BPIFB4: variants seen among roughly 807,000 people sequenced by gnomAD.
BPIFB4 encodes the protein BPI fold containing family B member 4.
A neutral mutation model predicts 69.2 loss-of-function variants in BPIFB4; 62 were observed. The ratio of observed to expected loss-of-function variants is 0.90; its 90% CI spans 0.73 to 1.11. BPIFB4 has a LOEUF of 1.11. Ranked by LOEUF, BPIFB4 falls within the 50% of genes least tolerant of loss-of-function variation. BPIFB4 has a pLI of 0.00. For synonymous variants in BPIFB4, 330 were observed against 332.7 expected (o/e 0.99, Z 0.09); for missense variants, 789 against 792.0 (o/e 1.00, Z 0.04).
At chr20:33,097,924 C>T in intron 13 of BPIFB4, 137 bp downstream of exon 13, 1 of 921,974 alleles carries the variant, frequency 1.1e-6, no homozygotes, top group Non-Finnish European at 1.6e-6. Context: ...GGGCCAGAGG[C>T]TCTAACCCAA....
intron 15 of BPIFB4, among the ~76,000 whole-genome samples, chr20:33,103,559 ATC>A (rs1600563094): frequency 6.6e-6 from 1 of 152,060 alleles, no homozygotes; most frequent in East Asian, 1.9e-4. Flanking sequence ...GTCCTGTTTT[ATC>A]TCTTTGTTCA....
intron 16 of BPIFB4, among the ~76,000 whole-genome samples, chr20:33,106,588 G>T (rs1982064025): frequency 6.6e-6 from 1 of 152,002 alleles, no homozygotes; most frequent in African/African-American, 2.4e-5. Context: ...GGCCAGGCTG[G>T]TCTCAAACTC....
At chr20:33,094,060 CA>C (rs1411251755) in intron 11 of BPIFB4, among the ~76,000 whole-genome samples, 1 of 152,184 alleles carries the variant, frequency 6.6e-6, no homozygotes, top group East Asian at 1.9e-4. Flanking sequence ...CTCCTAAGAA[CA>C]AGACATTCTG....
intron 7 of BPIFB4, among the ~76,000 whole-genome samples, chr20:33,087,172 A>C (rs1981455499): frequency 6.6e-6 from 1 of 152,190 alleles, no homozygotes; most frequent in East Asian, 1.9e-4. Flanking sequence ...TCACATTTTC[A>C]CTAGGAAATA....
Position 33,083,834 on chromosome 20 carries a change from G to A in BPIFB4, c.637G>A (p.Gly213Ser), listed in dbSNP as rs768058683. Residue 213 changes from glycine to serine, a missense_variant, in exon 5 of 18, where the codon GGC becomes AGC. Around this residue, in one of 3 missense-constraint regions of BPIFB4, gnomAD observed 611 missense variants for 575.4 expected, o/e 1.06. Transcript: ENST00000375483. ...AGGAGGGGGTGTCCTGGGCGTGCTC[G>A]GCGAGGGTGGCATCCTCAGCACTGT... ...LGGGGVLGVL[G>S]EGGILSTVQG... 18 of 1,613,290 alleles carry A rather than the reference G, an allele frequency of 1.1e-5. No individual in the cohort carries two copies. Among genetic ancestry groups the A allele is most frequent in the Middle Eastern group, 1.7e-4 (1 of 6,000 alleles).
intron 11 of BPIFB4, among the ~76,000 whole-genome samples, chr20:33,093,744 A>ATCC (rs1221286159): frequency 7.0e-6 from 1 of 143,268 alleles, no homozygotes; most frequent in Non-Finnish European, 1.5e-5. Context: ...CATATCCACT[A>ATCC]ATCCATCCAC....
At chr20:33,108,771 CA>C (rs1258485457) in intron 17 of BPIFB4, among the ~76,000 whole-genome samples, 1 of 152,188 alleles carries the variant, frequency 6.6e-6, no homozygotes, top group Non-Finnish European at 1.5e-5. Context: ...TGGAAGTGTC[CA>C]CCATTATAAA....
At chr20:33,092,715 C>G in intron 11 of BPIFB4, 57 bp downstream of exon 11, 1 of 1,484,734 alleles carries the variant, frequency 6.7e-7, no homozygotes. Flanking sequence ...TGCCAGTGAC[C>G]CTTCTCAGTC....
intron 15 of BPIFB4, among the ~76,000 whole-genome samples, chr20:33,104,312 A>G (rs746542894): frequency 3.3e-5 from 5 of 152,226 alleles, no homozygotes; most frequent in Non-Finnish European, 5.9e-5. Flanking sequence ...TCTACCCACC[A>G]TCCTCACCGC....
rs542372189 is a variant in BPIFB4, at chr20:33,085,439, G to A, written c.782+443G>A. 1.8e-4 allele frequency among the ~76,000 whole-genome samples: 27 copies of A among 151,996 alleles called. No homozygotes were observed. The South Asian group carries it at 5.6e-3, about 32-fold the overall frequency. On this transcript the variant is annotated intron_variant, in intron 6 of 17. Coordinates refer to ENST00000375483, the MANE Select transcript of BPIFB4 (RefSeq NM_182519.3). ...CACTGCACTCCAGCCTGGGCAACAA[G>A]AGCAAAACTCCATCTCAAAATAAAT...
At chr20:33,093,558 C>G (rs181245678) in intron 11 of BPIFB4, among the ~76,000 whole-genome samples, 2 of 97,730 alleles carry the variant, frequency 2.0e-5, no homozygotes, top group African/African-American at 3.5e-5. Context: ...ATCCTTCCAT[C>G]AACCCATCCA....
In BPIFB4 at chr20:33,083,558, A is replaced by C; in HGVS notation, c.361A>C (p.Ser121Arg). 2 of 1,614,046 alleles carry C rather than the reference A, an allele frequency of 1.2e-6. No individual in the cohort carries two copies. Among genetic ancestry groups the C allele is most frequent in the Non-Finnish European group, 1.7e-6 (2 of 1,179,986 alleles). Reference sequence around the variant, plus strand: ...GGGAAGCATCAGGGACCTCCGAAACAGTGGCTATCGCAGTGCCGAGAATGC... The same window carrying C: ...GGGAAGCATCAGGGACCTCCGAAACCGTGGCTATCGCAGTGCCGAGAATGC... ...SEGSIRDLRN[S>R]GYRSAENAYG... is the part of the protein sequence containing the mutation. Residue 121 changes from serine to arginine, a missense_variant, in exon 5 of 18, where the codon AGT (serine) becomes CGT (arginine). Physicochemically the swap from Ser to Arg is moderately radical, Grantham distance 110 (BLOSUM62 -1). Transcript: ENST00000375483.
chr20:33,082,373 G>T (rs1856947258), intron 3 of BPIFB4, among the ~76,000 whole-genome samples: 1 of 152,042 alleles, frequency 6.6e-6, no homozygotes, highest in Non-Finnish European at 1.5e-5. Flanking sequence ...CGCTCTTGTT[G>T]CCCAGGCTGG....
At chr20:33,093,731 A>C (rs1981677327) in intron 11 of BPIFB4, among the ~76,000 whole-genome samples, 1 of 148,224 alleles carries the variant, frequency 6.7e-6, no homozygotes, top group African/African-American at 2.5e-5. Flanking sequence ...CAACCCACTC[A>C]TCCATATCCA....
chr20:33,096,619 A>G (rs1188444869), intron 12 of BPIFB4, among the ~76,000 whole-genome samples: 1 of 152,206 alleles, frequency 6.6e-6, no homozygotes, highest in Non-Finnish European at 1.5e-5. Context: ...CTCTATCCAC[A>G]GGACCAAAGA....
intron 8 of BPIFB4, among the ~76,000 whole-genome samples, chr20:33,089,249 T>C (rs907819157): frequency 1.3e-5 from 2 of 152,144 alleles, no homozygotes; most frequent in Non-Finnish European, 2.9e-5. Context: ...ATTGCACAGT[T>C]CCGGGTTTGA....
intron 8 of BPIFB4, 120 bp from the exon 9 acceptor site, chr20:33,089,378 A>G: frequency 6.7e-7 from 1 of 1,482,274 alleles, no homozygotes; most frequent in Admixed American, 1.8e-5. Context: ...TGGTGAGGAG[A>G]GTGCCTGGCA....
At chr20:33,085,811 T>C (rs1981405965) in intron 6 of BPIFB4, among the ~76,000 whole-genome samples, 1 of 152,174 alleles carries the variant, frequency 6.6e-6, no homozygotes. Flanking sequence ...CTGAGCCCTG[T>C]TCCCAGCCTT....
intron 14 of BPIFB4, 132 bp downstream of exon 14, chr20:33,100,625 T>C (rs934372998): frequency 2.0e-5 from 15 of 742,968 alleles, no homozygotes; most frequent in Non-Finnish European, 2.8e-5. Context: ...AAGGTGACGA[T>C]GGCTCATGCC....
Sources: gnomAD v4.1 joint callset for allele counts (sites outside exome capture counted in the v4.1 genomes callset) on GRCh38, gnomAD v4.1.1 for gene constraint, gnomAD v4.1.1 regional missense constraint, MANE v1.5 for transcripts, NCBI Gene and HGNC (gene_info 2026-07-23, HGNC 2026-07-21) for gene names.